The following SIAH2 variants were observed in gnomAD, a reference collection of about 807,000 sequenced individuals.
SIAH2 encodes the protein E3 ubiquitin-protein ligase SIAH2.
SIAH2 carries 4 observed loss-of-function variants against 20.4 expected under a neutral mutation model. The ratio of observed to expected loss-of-function variants is 0.20; its 90% confidence interval spans 0.10 to 0.45. The LOEUF (loss-of-function observed/expected upper bound fraction) is 0.45. SIAH2 is among the 20% of genes least tolerant of loss of function. The pLI, the probability that SIAH2 is intolerant of heterozygous loss-of-function variation, is 0.99. For missense variants in SIAH2, 259 were observed against 440.3 expected (o/e 0.59, Z 3.69); for synonymous variants, 171 against 192.5 (o/e 0.89, Z 0.93).
intron 1 of SIAH2, among the ~76,000 whole-genome samples, chr3:150,743,103 A>G (rs1462866358): frequency 1.3e-5 from 2 of 152,238 alleles, no homozygotes; most frequent in Non-Finnish European, 2.9e-5. Flanking sequence ...AAGGAATATT[A>G]TATTATCCCA....
chr3:150,745,557 G>A (rs1257670009), intron 1 of SIAH2, among the ~76,000 whole-genome samples: 3 of 151,344 alleles, frequency 2.0e-5, no homozygotes, highest in Non-Finnish European at 2.9e-5. Flanking sequence ...GTGCAGTGGC[G>A]CGATCTCGGT....
At chr3:150,747,598 A>T (rs545415152) in intron 1 of SIAH2, among the ~76,000 whole-genome samples, 1 of 152,078 alleles carries the variant, frequency 6.6e-6, no homozygotes, top group African/African-American at 2.4e-5. Flanking sequence ...TTAAGTAAAC[A>T]TCTCTAAAGA....
At chr3:150,757,096 T>C (rs1429233282) in intron 1 of SIAH2, among the ~76,000 whole-genome samples, 1 of 152,120 alleles carries the variant, frequency 6.6e-6, no homozygotes, top group East Asian at 1.9e-4. Flanking sequence ...TCTAATCTGA[T>C]TTCCAAGCAC....
At position 150,759,022 on chromosome 3, in the gene SIAH2, G is replaced by A. The variant is rs138751913; in HGVS notation, c.417+3411C>T. ...AGCCTCCCAAAGTGCTGGGATTACA[G>A]ACGTGAGCCACTGCGCCTGGCCCTA... On this transcript the variant is annotated intron_variant, in intron 1 of 1. Transcript: ENST00000312960. Among the ~76,000 whole-genome samples the A allele has an allele frequency of 7.1e-3, 1,085 of 152,174 alleles. 34 individuals are homozygous for A. In the South Asian group the frequency reaches 0.077, roughly 11 times the overall value.
At chr3:150,747,812 A>T (rs774197480) in intron 1 of SIAH2, among the ~76,000 whole-genome samples, 7 of 151,870 alleles carry the variant, frequency 4.6e-5, no homozygotes, top group African/African-American at 7.3e-5. Flanking sequence ...AAACAAAAAA[A>T]AATTAGCCGG....
intron 1 of SIAH2, among the ~76,000 whole-genome samples, chr3:150,751,746 A>T (rs1446145036): frequency 6.6e-6 from 1 of 152,152 alleles, no homozygotes; most frequent in Non-Finnish European, 1.5e-5. Context: ...TTAAAAAGAG[A>T]CAGGGTCCTG....
chr3:150,756,966 T>C (rs1031777150), intron 1 of SIAH2, among the ~76,000 whole-genome samples: 4 of 152,184 alleles, frequency 2.6e-5, no homozygotes, highest in African/African-American at 9.7e-5. Context: ...TTTGAAAGTA[T>C]TTTTGGCTAA....
chr3:150,752,635 T>A (rs1714396777), intron 1 of SIAH2, among the ~76,000 whole-genome samples: 1 of 151,992 alleles, frequency 6.6e-6, no homozygotes. Context: ...AATTATCAAA[T>A]AAAAATACAA....
chr3:150,761,929 C>CT lies in SIAH2; in HGVS notation c.417+503dup, dbSNP rs536056274. Reference sequence around the variant, plus strand: ...TAGAGGAAAACAGGCTGTAGGCGCCCTTTTTTTAGCTACAATCCCGAGAGC... The same window carrying CT: ...TAGAGGAAAACAGGCTGTAGGCGCCCTTTTTTTTAGCTACAATCCCGAGAGC... On this transcript the variant is annotated intron_variant, in intron 1 of 1. Transcript: ENST00000312960. The CT allele has an allele frequency of 7.9e-3, 1,225 of 155,404 alleles. 8 individuals carry two copies. The highest frequency in any genetic ancestry group is 0.011 in the Non-Finnish European group (791 of 69,998). The allele number at this position is 155,404 out of a possible 1,614,324, so 9.6% of individuals were successfully genotyped here.
chr3:150,744,453 G>A (rs759533025), intron 1 of SIAH2, among the ~76,000 whole-genome samples: 11 of 152,266 alleles, frequency 7.2e-5, no homozygotes, highest in Non-Finnish European at 1.5e-4. Flanking sequence ...TCACTCAGGA[G>A]AAACAAATTT....
At chr3:150,749,909 TA>T (rs1403210496) in intron 1 of SIAH2, among the ~76,000 whole-genome samples, 1 of 152,158 alleles carries the variant, frequency 6.6e-6, no homozygotes, top group Non-Finnish European at 1.5e-5. Flanking sequence ...TGGTCCAAGG[TA>T]AACTCCACTT....
rs1714661486 is a variant in SIAH2 at position 150,762,980 on chromosome 3, G to T, written c.-131C>A. On this transcript the variant is annotated 5_prime_UTR_variant, in exon 1 of 2. Coordinates refer to ENST00000312960, the MANE Select transcript of SIAH2 (RefSeq NM_005067.7). This position sits in a 1 kb window ranked among gnomAD's most constrained non-coding sequence, Gnocchi z 6.6. The stretch of plus-strand genomic sequence containing the variant: ...GGCGCCCAGCCCAGGTCCGGGCGGC[G>T]GAGACGCTCGGCGCCCGGCAGGCGG... 10 of 1,022,478 alleles carry T rather than the reference G, an allele frequency of 9.8e-6. No homozygotes were observed. Among genetic ancestry groups the T allele is most frequent in the Non-Finnish European group, 1.2e-5 (10 of 835,138 alleles). 63.3% of individuals were successfully genotyped at this position (1,022,478 alleles called of 1,614,324 possible). A position where few individuals can be genotyped will look rare whatever the true frequency, so the allele number is the denominator to read the frequency against.
At chr3:150,760,343 T>C (rs1021033232) in intron 1 of SIAH2, among the ~76,000 whole-genome samples, 2 of 152,216 alleles carry the variant, frequency 1.3e-5, no homozygotes, top group African/African-American at 2.4e-5. Context: ...TTGGCCCTTT[T>C]AAATTTCAGC....
At chr3:150,756,113 T>C (rs1262854049) in intron 1 of SIAH2, among the ~76,000 whole-genome samples, 1 of 152,250 alleles carries the variant, frequency 6.6e-6, no homozygotes, top group African/African-American at 2.4e-5. Flanking sequence ...GCAAAGCTGA[T>C]GAAATTCTGT....
intron 1 of SIAH2, among the ~76,000 whole-genome samples, chr3:150,752,274 GC>G (rs947930387): frequency 6.6e-6 from 1 of 152,162 alleles, no homozygotes; most frequent in African/African-American, 2.4e-5. Flanking sequence ...CTCAACGAAA[GC>G]AACTGAATTC....
At chr3:150,757,568 G>A (rs902579738) in intron 1 of SIAH2, among the ~76,000 whole-genome samples, 2 of 152,100 alleles carry the variant, frequency 1.3e-5, no homozygotes, top group African/African-American at 4.8e-5. Flanking sequence ...CAGATCAGAG[G>A]CTGCATGCTG....
chr3:150,756,862 C>A (rs923545875), intron 1 of SIAH2, among the ~76,000 whole-genome samples: 9 of 152,232 alleles, frequency 5.9e-5, no homozygotes, highest in Non-Finnish European at 1.0e-4. Context: ...TATGGGCCAA[C>A]CTTGCCCATG....
At position 150,762,281 on chromosome 3, in the gene SIAH2, G is replaced by C. The variant is rs1714632691; in HGVS notation, c.417+152C>G. ...CAACCCAGACCTACACCCAAAGTGG[G>C]CTTGAGGGAGGGTGGACGAAGTGTA... On this transcript the variant is annotated intron_variant, in intron 1 of 1. Coordinates refer to ENST00000312960, the MANE Select transcript of SIAH2 (RefSeq NM_005067.7). The surrounding 1 kb of genome is among the most constrained non-coding windows in gnomAD (Gnocchi z 6.6). The C allele has an allele frequency of 7.0e-7, 1 of 1,425,922 alleles. No individual in the cohort carries two copies. Among genetic ancestry groups the C allele is most frequent in the Non-Finnish European group, 9.2e-7 (1 of 1,087,178 alleles). The allele number at this position is 1,425,922 out of a possible 1,614,324, so 88.3% of individuals were successfully genotyped here. A position where few individuals can be genotyped will look rare whatever the true frequency, so the allele number is the denominator to read the frequency against.
intron 1 of SIAH2, among the ~76,000 whole-genome samples, chr3:150,759,042 G>A (rs141816868): frequency 9.9e-5 from 15 of 151,670 alleles, no homozygotes; most frequent in African/African-American, 2.2e-4. Context: ...ACTGCGCCTG[G>A]CCCTAATTTT....
Sources: gnomAD v4.1 joint callset for allele counts (sites outside exome capture counted in the v4.1 genomes callset) on GRCh38, gnomAD v4.1.1 for gene constraint, Gnocchi (gnomAD v3.1) non-coding constraint, MANE v1.5 for transcripts, NCBI Gene and HGNC (gene_info 2026-07-23, HGNC 2026-07-21) for gene names.